CNBD1: variants seen among roughly 807,000 people sequenced by gnomAD.
The protein encoded by CNBD1 is cyclic nucleotide-binding domain-containing protein 1.
A neutral mutation model predicts 54.4 loss-of-function variants in CNBD1; 71 were observed. That is an observed-to-expected ratio of 1.30 (90% CI 1.08 to 1.59). The LOEUF (loss-of-function observed/expected upper bound fraction) is 1.59. CNBD1 is among the 40% of genes most tolerant of loss of function. The pLI is 0.00. For missense variants in CNBD1, 659 were observed against 518.0 expected (o/e 1.27, Z -2.64); for synonymous variants, 182 against 170.7 (o/e 1.07, Z -0.51).
At position 87,119,407 on chromosome 8, in the gene CNBD1, A is replaced by T. The variant is rs1370148931; in HGVS notation, c.432-86586A>T. Among the ~76,000 whole-genome samples, 3 of 151,850 alleles carry T rather than the reference A, an allele frequency of 2.0e-5. No individual in the cohort carries two copies. The East Asian group carries it at 5.8e-4, about 30-fold the overall frequency. ...ATAATTATTGGTGTGTAGAAATGGT[A>T]CTGATTTTTGTACATTGATTTTGTA... On this transcript the variant is annotated intron_variant, in intron 4 of 10. Transcript: ENST00000518476.
At chr8:87,141,603 A>G (rs902009673) in intron 4 of CNBD1, among the ~76,000 whole-genome samples, 2 of 151,264 alleles carry the variant, frequency 1.3e-5, no homozygotes, top group Non-Finnish European at 3.0e-5. Flanking sequence ...TCAGTGGTTG[A>G]TTTTTTTTTG....
At chr8:86,962,793 AC>A (rs1354425775) in intron 4 of CNBD1, among the ~76,000 whole-genome samples, 129 of 128,674 alleles carry the variant, frequency 1.0e-3, no homozygotes, top group Admixed American at 1.7e-3. Flanking sequence ...CTCAAAAAAA[AC>A]ACAAAAAACA....
At chr8:87,413,998 T>C (rs889720039) in intron 2 of CNBD1, among the ~76,000 whole-genome samples, 9 of 152,148 alleles carry the variant, frequency 5.9e-5, no homozygotes, top group Admixed American at 5.9e-4. Context: ...GAAATACCAT[T>C]TGACCCAGCC....
rs35035648 is a variant in CNBD1 at position 87,195,225 on chromosome 8, ATT to A, written c.432-10750_432-10749del. Among the ~76,000 whole-genome samples the A allele has an allele frequency of 3.7e-3, 440 of 119,754 alleles. 2 individuals are homozygous for A. Among genetic ancestry groups the A allele is most frequent in the Admixed American group, 7.5e-3 (84 of 11,236 alleles). The allele number at this position is 119,754 out of a possible 152,430, so 78.6% of individuals were successfully genotyped here. On this transcript the variant is annotated intron_variant, in intron 4 of 10. Transcript: ENST00000518476. ...TGTTTTAATTTCTTTGAGAAAATTGATTTTTTTTTTTTTTTTTTTCTGAGATG... is the reference window on the plus strand; with the variant it reads ...TGTTTTAATTTCTTTGAGAAAATTGATTTTTTTTTTTTTTTTTCTGAGATG...
At chr8:86,945,168 G>T (rs1219402207) in intron 4 of CNBD1, among the ~76,000 whole-genome samples, 1 of 152,188 alleles carries the variant, frequency 6.6e-6, no homozygotes, top group East Asian at 1.9e-4. Context: ...AGTTATGTTT[G>T]TATGTATTTG....
At chr8:86,902,529 T>G (rs1298090624) in intron 2 of CNBD1, among the ~76,000 whole-genome samples, 1 of 152,100 alleles carries the variant, frequency 6.6e-6, no homozygotes, top group African/African-American at 2.4e-5. Context: ...TTGGACACGA[T>G]AAGCATTTAA....
intron 6 of CNBD1, among the ~76,000 whole-genome samples, chr8:87,244,295 A>G (rs1014115915): frequency 1.6e-4 from 25 of 152,200 alleles, no homozygotes; most frequent in African/African-American, 5.8e-4. Flanking sequence ...TCAGCTATGC[A>G]TCTATCTCAA....
At chr8:87,252,217 T>C (rs902418470) in intron 6 of CNBD1, among the ~76,000 whole-genome samples, 2 of 152,168 alleles carry the variant, frequency 1.3e-5, no homozygotes, top group Non-Finnish European at 2.9e-5. Flanking sequence ...AGGAAAAGGC[T>C]TTTCCATTTT....
chr8:87,307,653 G>T (rs1299445001), intron 8 of CNBD1, among the ~76,000 whole-genome samples: 1 of 151,610 alleles, frequency 6.6e-6, no homozygotes, highest in East Asian at 1.9e-4. Context: ...CAGGAGAATC[G>T]CTTGAACCTG....
chr8:87,321,570 C>A lies in CNBD1; in HGVS notation c.1043-30115C>A, dbSNP rs139049460. On this transcript the variant is annotated intron_variant, in intron 8 of 10. Coordinates refer to ENST00000518476, the MANE Select transcript of CNBD1 (RefSeq NM_173538.3). ...TTTTTGCTACTGAGTTATAGATGTT[C>A]CTTATATATTTTGAATATTAACCAT... Among the ~76,000 whole-genome samples the A allele has an allele frequency of 6.9e-3, 1,046 of 152,072 alleles. 11 individuals are homozygous for A. Among genetic ancestry groups the A allele is most frequent in the African/African-American group, 0.024 (987 of 41,504 alleles).
chr8:87,217,920 T>A (rs1175870182), intron 5 of CNBD1, among the ~76,000 whole-genome samples: 1 of 152,170 alleles, frequency 6.6e-6, no homozygotes, highest in Non-Finnish European at 1.5e-5. Flanking sequence ...GAGATTTTTG[T>A]TTGTTTTAGT....
intron 4 of CNBD1, among the ~76,000 whole-genome samples, chr8:86,961,240 T>C (rs1441685631): frequency 6.6e-6 from 1 of 152,166 alleles, no homozygotes; most frequent in East Asian, 1.9e-4. Flanking sequence ...TTTTACTTTG[T>C]TTGCCCCAAT....
At chr8:87,414,091 T>C (rs1482896825) in intron 2 of CNBD1, among the ~76,000 whole-genome samples, 4 of 152,124 alleles carry the variant, frequency 2.6e-5, no homozygotes, top group Admixed American at 1.3e-4. Flanking sequence ...ATTGCGGCAC[T>C]ATTCACAATA....
At chr8:87,262,316 C>A (rs1210932521) in intron 6 of CNBD1, among the ~76,000 whole-genome samples, 1 of 152,152 alleles carries the variant, frequency 6.6e-6, no homozygotes, top group Non-Finnish European at 1.5e-5. Flanking sequence ...TTTCTAATTA[C>A]AGGTTTCTTT....
rs113857046 is a variant in CNBD1 at position 86,975,804 on chromosome 8, T to C, written c.431+36050T>C. ...TTTTTAGTTTTTTGGAGAACCCTCA[T>C]CTGTTTTCCAAAATGTCTGTCATAA... On this transcript the variant is annotated intron_variant, in intron 4 of 10. Transcript: ENST00000518476. Among the ~76,000 whole-genome samples, 384 of 152,066 alleles carry C rather than the reference T, an allele frequency of 2.5e-3. 1 individual carries two copies. The highest frequency in any genetic ancestry group is 9.0e-3 in the African/African-American group (373 of 41,544).
intron 4 of CNBD1, among the ~76,000 whole-genome samples, chr8:87,069,177 G>T (rs549014002): frequency 2.6e-5 from 4 of 151,998 alleles, no homozygotes; most frequent in African/African-American, 4.8e-5. Context: ...TGATAGCTTT[G>T]GTATTATTTC....
chr8:87,231,045 G>GGC (rs919700886), intron 5 of CNBD1, among the ~76,000 whole-genome samples: 14 of 152,122 alleles, frequency 9.2e-5, no homozygotes, highest in Non-Finnish European at 7.4e-5. Flanking sequence ...CATTTCATAT[G>GGC]GCTGAGAGCT....
chr8:87,300,013 T>C (rs894834596), intron 8 of CNBD1, among the ~76,000 whole-genome samples: 3 of 152,066 alleles, frequency 2.0e-5, no homozygotes, highest in African/African-American at 7.2e-5. Flanking sequence ...TATAATATAG[T>C]GAAAGGGAAA....
intron 5 of CNBD1, among the ~76,000 whole-genome samples, chr8:87,229,720 T>G (rs1180191198): frequency 6.6e-6 from 1 of 152,152 alleles, no homozygotes; most frequent in Admixed American, 6.5e-5. Flanking sequence ...TTTTTTATTC[T>G]CCCCTAGTAC....
Sources: allele counts gnomAD v4.1 joint callset (sites outside exome capture counted in the v4.1 genomes callset), GRCh38; gene constraint gnomAD v4.1.1; transcripts MANE v1.5; gene names NCBI Gene and HGNC (gene_info 2026-07-23, HGNC 2026-07-21).